ITGA9: variants seen among roughly 807,000 people sequenced by gnomAD.
The protein encoded by ITGA9 is integrin alpha-9.
In ITGA9, 56 loss-of-function variants were observed where a neutral mutation model predicts 127.8. The observed-to-expected ratio is 0.44, with a 90% CI of 0.35 to 0.55. The LOEUF is 0.55. Among genes scored for constraint, ITGA9 ranks in the 20% least tolerant of loss-of-function variants. The pLI, the probability that ITGA9 is intolerant of heterozygous loss-of-function variation, is 0.00. For missense variants in ITGA9, 1,196 were observed against 1,347.1 expected (o/e 0.89, Z 1.76); for synonymous variants, 508 against 514.5 (o/e 0.99, Z 0.17).
intron 4 of ITGA9, among the ~76,000 whole-genome samples, chr3:37,481,985 A>G (rs1482829038): frequency 1.3e-5 from 2 of 152,116 alleles, no homozygotes; most frequent in African/African-American, 4.8e-5. Context: ...CTCTCTCTGG[A>G]CCTCAGTTTC....
intron 15 of ITGA9, among the ~76,000 whole-genome samples, chr3:37,566,533 G>A (rs1182069093): frequency 6.6e-6 from 1 of 152,186 alleles, no homozygotes; most frequent in Admixed American, 6.5e-5. Flanking sequence ...TCTTTTAAAA[G>A]AGTGCTCAAC....
At chr3:37,459,410 G>A (rs969294389) in intron 1 of ITGA9, among the ~76,000 whole-genome samples, 1 of 152,200 alleles carries the variant, frequency 6.6e-6, no homozygotes, top group African/African-American at 2.4e-5. Context: ...TTCATAGATA[G>A]TGGTGTTCTC....
chr3:37,468,593 G>T (rs1698396657), intron 1 of ITGA9, among the ~76,000 whole-genome samples: 1 of 152,172 alleles, frequency 6.6e-6, no homozygotes, highest in Non-Finnish European at 1.5e-5. Flanking sequence ...AGGAGGAGCA[G>T]CAGCATTCCA....
intron 12 of ITGA9, among the ~76,000 whole-genome samples, chr3:37,525,085 T>A (rs1176662624): frequency 1.3e-5 from 2 of 152,222 alleles, no homozygotes; most frequent in African/African-American, 4.8e-5. Context: ...TGGACTCAGA[T>A]ACTTGGTTCT....
intron 13 of ITGA9, among the ~76,000 whole-genome samples, chr3:37,529,518 A>C (rs1699127627): frequency 6.6e-6 from 1 of 152,216 alleles, no homozygotes; most frequent in South Asian, 2.1e-4. Flanking sequence ...GCTTCTCCAG[A>C]AGCTTGGCTG....
intron 18 of ITGA9, among the ~76,000 whole-genome samples, chr3:37,727,572 G>A (rs554736694): frequency 1.3e-5 from 2 of 152,272 alleles, no homozygotes; most frequent in South Asian, 2.1e-4. Context: ...TAGACCAAAG[G>A]CAAAAGATTA....
chr3:37,703,142 A>G (rs1057254989), intron 18 of ITGA9, among the ~76,000 whole-genome samples: 2 of 152,194 alleles, frequency 1.3e-5, no homozygotes, highest in Non-Finnish European at 2.9e-5. Context: ...TTTTTTAATC[A>G]GTAACTTTGG....
chr3:37,572,060 T>C (rs956194686), intron 15 of ITGA9, among the ~76,000 whole-genome samples: 1 of 151,956 alleles, frequency 6.6e-6, no homozygotes, highest in African/African-American at 2.4e-5. Flanking sequence ...TTCAGCGGAA[T>C]CCAAACCATG....
At chr3:37,545,988 C>A (rs144082101) in intron 15 of ITGA9, among the ~76,000 whole-genome samples, 5 of 152,270 alleles carry the variant, frequency 3.3e-5, no homozygotes, top group Admixed American at 2.0e-4. Context: ...CCATCTACCA[C>A]CTGCATGATT....
intron 15 of ITGA9, among the ~76,000 whole-genome samples, chr3:37,611,803 G>A (rs1051751550): frequency 6.6e-6 from 1 of 152,050 alleles, no homozygotes; most frequent in Non-Finnish European, 1.5e-5. Context: ...TGGCAGGCCT[G>A]CCCTGGGAAG....
At position 37,548,048 on chromosome 3, in the gene ITGA9, A is replaced by G. The variant is rs77386538; in HGVS notation, c.1689+5463A>G. Among the ~76,000 whole-genome samples the G allele has an allele frequency of 2.8e-4, 42 of 152,338 alleles. No homozygotes were observed. The East Asian group carries it at 8.1e-3, about 29-fold the overall frequency. ...TACTTTTTCTTTTAAAACATCCAAC[A>G]GCAGAATGGAGGAACAGATTTTGGC... On this transcript the variant is annotated intron_variant, in intron 15 of 27. Transcript: ENST00000264741.
At chr3:37,685,210 T>G (rs778967799) in intron 18 of ITGA9, among the ~76,000 whole-genome samples, 3 of 152,160 alleles carry the variant, frequency 2.0e-5, no homozygotes, top group Non-Finnish European at 2.9e-5. Flanking sequence ...ACATATTCTG[T>G]GGCCTCAATA....
chr3:37,560,314 G>A (rs1003291634), intron 15 of ITGA9, among the ~76,000 whole-genome samples: 1 of 152,182 alleles, frequency 6.6e-6, no homozygotes, highest in Admixed American at 6.5e-5. Flanking sequence ...GTATTCCATG[G>A]TGTATATGTC....
chr3:37,666,276 T>C (rs79795980), intron 17 of ITGA9, among the ~76,000 whole-genome samples: 26,900 of 152,120 alleles, frequency 0.18, 2,524 homozygotes, highest in East Asian at 0.24. Flanking sequence ...GAGTGAGCAG[T>C]GCAGGAAATG....
At position 37,736,964 on chromosome 3, in the gene ITGA9, T is replaced by G; in HGVS notation, c.2215T>G (p.Phe739Val). The change falls in exon 20 of 28, where the codon TTC becomes GTC. Residue 739 changes from phenylalanine (F) to valine (V), a missense_variant. By Grantham distance (50) the Phe-to-Val change is conservative. Transcript: ENST00000264741. Reference sequence around the variant, plus strand: ...GTCTGGGGAAGAGGAAGTTCTCAGCTTCATTGTTACTGCTCAGAGGTAAGG... The same window carrying G: ...GTCTGGGGAAGAGGAAGTTCTCAGCGTCATTGTTACTGCTCAGAGGTAAGG... ...HLSGEEEVLS[F>V]IVTAQSGNTE... The G allele has an allele frequency of 6.2e-7, 1 of 1,611,856 alleles. No homozygotes were observed. Among genetic ancestry groups the G allele is most frequent in the African/African-American group, 1.3e-5 (1 of 74,964 alleles).
At chr3:37,773,049 T>C (rs370101177) in intron 23 of ITGA9, among the ~76,000 whole-genome samples, 31 of 152,342 alleles carry the variant, frequency 2.0e-4, no homozygotes, top group African/African-American at 6.7e-4. Flanking sequence ...CCCAGCTCCC[T>C]GCCCCTCTCC....
intron 25 of ITGA9, among the ~76,000 whole-genome samples, chr3:37,782,046 C>T (rs1696980517): frequency 6.6e-6 from 1 of 152,210 alleles, no homozygotes; most frequent in Non-Finnish European, 1.5e-5. Context: ...TGACTTAGAG[C>T]ACCACTGGCC....
intron 15 of ITGA9, among the ~76,000 whole-genome samples, chr3:37,594,838 AAC>A (rs1699854078): frequency 6.6e-6 from 1 of 152,152 alleles, no homozygotes; most frequent in African/African-American, 2.4e-5. Context: ...AGAGCGCAGT[AAC>A]TATTCACAGG....
At chr3:37,682,065 C>T (rs1359781839) in intron 17 of ITGA9, among the ~76,000 whole-genome samples, 2 of 152,176 alleles carry the variant, frequency 1.3e-5, no homozygotes, top group East Asian at 1.9e-4. Context: ...GGATCATTCC[C>T]ATTAGCTTGC....
Sources: gnomAD v4.1 joint callset for allele counts (sites outside exome capture counted in the v4.1 genomes callset) on GRCh38, gnomAD v4.1.1 for gene constraint, MANE v1.5 for transcripts, NCBI Gene and HGNC (gene_info 2026-07-23, HGNC 2026-07-21) for gene names.